SCN2A: variants seen among roughly 807,000 people sequenced by gnomAD.
SCN2A encodes the protein sodium voltage-gated channel alpha subunit 2.
SCN2A carries 20 observed loss-of-function variants against 188.7 expected under a neutral mutation model. The ratio of observed to expected loss-of-function variants is 0.11; its 90% CI spans 0.07 to 0.15. SCN2A has a LOEUF of 0.15. Ranked by LOEUF, SCN2A falls within the 10% of genes least tolerant of loss-of-function variation. The pLI is 1.00. For missense variants in SCN2A, 1,278 were observed against 2,445.0 expected (o/e 0.52, Z 10.07); for synonymous variants, 804 against 833.1 (o/e 0.97, Z 0.60).
At chr2:165,343,162 G>C (rs73023801) in intron 15 of SCN2A, among the ~76,000 whole-genome samples, 1,718 of 152,224 alleles carry the variant, frequency 0.011, 23 homozygotes, top group African/African-American at 0.039. Flanking sequence ...CTCTAAGTTA[G>C]TGATTTATTT....
chr2:165,381,031 A>C, intron 24 of SCN2A, 62 bp from the exon 25 acceptor site: 1 of 1,145,878 alleles, frequency 8.7e-7, no homozygotes, highest in Non-Finnish European at 1.3e-6. Flanking sequence ...CATGATTACT[A>C]AGGTGGATTT....
chr2:165,364,598 T>C (rs375463152), intron 17 of SCN2A, among the ~76,000 whole-genome samples: 2 of 152,198 alleles, frequency 1.3e-5, no homozygotes, highest in East Asian at 1.9e-4. Context: ...TGTGCTGCTC[T>C]TTTTGGAATT....
chr2:165,280,860 C>T (rs917957084), intron 1 of SCN2A, among the ~76,000 whole-genome samples: 1 of 152,156 alleles, frequency 6.6e-6, no homozygotes, highest in African/African-American at 2.4e-5. Context: ...GGGAACCTGA[C>T]CTAAGACATG....
At chr2:165,346,794 C>T (rs1005156669) in intron 16 of SCN2A, among the ~76,000 whole-genome samples, 2 of 152,200 alleles carry the variant, frequency 1.3e-5, no homozygotes, top group Admixed American at 6.5e-5. Context: ...TATGAACAGA[C>T]ACTTCTCAAA....
intron 1 of SCN2A, among the ~76,000 whole-genome samples, chr2:165,251,804 T>C (rs988012726): frequency 6.6e-6 from 1 of 152,134 alleles, no homozygotes; most frequent in African/African-American, 2.4e-5. Flanking sequence ...TGTTTTCTGC[T>C]AAGACTTTGA....
Position 165,374,879 on chromosome 2 carries a change from C to G in SCN2A, c.4167C>G (p.Leu1389=), listed in dbSNP as rs1229321752. 6.2e-7 allele frequency: 1 copy of G among 1,613,514 alleles called. No individual in the cohort carries two copies. The highest frequency in any genetic ancestry group is 8.5e-7 in the Non-Finnish European group (1 of 1,179,624). The part of the protein sequence containing the change: ...VVNNYSECKA[L]IESNQTARWK... ...ACAACTACAGTGAGTGCAAAGCTCT[C>G]ATTGAGAGCAATCAAACTGCCAGGT... Residue 1389 remains leucine (L), a synonymous_variant, in exon 22 of 27, where the codon CTC becomes CTG. Coordinates refer to ENST00000375437, the MANE Select transcript of SCN2A (RefSeq NM_001040142.2).
At chr2:165,383,639 G>A (rs1339339631) in intron 25 of SCN2A, among the ~76,000 whole-genome samples, 1 of 152,160 alleles carries the variant, frequency 6.6e-6, no homozygotes, top group African/African-American at 2.4e-5. Context: ...CTATTTCAGA[G>A]ATGGTAGGTA....
chr2:165,253,852 C>T (rs2106073112), intron 1 of SCN2A, among the ~76,000 whole-genome samples: 1 of 152,002 alleles, frequency 6.6e-6, no homozygotes, highest in African/African-American at 2.4e-5. Flanking sequence ...TTTCTAGGTA[C>T]ATAATTTTGT....
chr2:165,337,691 G>T (rs992097315), intron 14 of SCN2A, among the ~76,000 whole-genome samples: 1 of 151,956 alleles, frequency 6.6e-6, no homozygotes, highest in Non-Finnish European at 1.5e-5. Context: ...TTATTCTACA[G>T]AAAGTGAAAC....
At chr2:165,325,225 G>T (rs1355619471) in intron 12 of SCN2A, among the ~76,000 whole-genome samples, 5 of 152,192 alleles carry the variant, frequency 3.3e-5, no homozygotes, top group Non-Finnish European at 7.3e-5. Context: ...TAAATCTCCT[G>T]TCCTATCAGA....
At chr2:165,282,209 A>G (rs1200293403) in intron 1 of SCN2A, among the ~76,000 whole-genome samples, 1 of 152,042 alleles carries the variant, frequency 6.6e-6, no homozygotes, top group Non-Finnish European at 1.5e-5. Flanking sequence ...CTTCTCACCC[A>G]CCTCTAATCC....
chr2:165,293,498 G>A (rs192438711), intron 1 of SCN2A, among the ~76,000 whole-genome samples: 110 of 152,154 alleles, frequency 7.2e-4, no homozygotes, highest in Non-Finnish European at 1.3e-3. Context: ...GAATACTACA[G>A]GCAATTGTAA....
chr2:165,355,913 C>T (rs1228322233), intron 17 of SCN2A, among the ~76,000 whole-genome samples: 4 of 151,012 alleles, frequency 2.6e-5, no homozygotes, highest in Admixed American at 1.3e-4. Context: ...GCAAGAGAAT[C>T]GCTTGAACCC....
chr2:165,265,011 G>A (rs772557347), intron 1 of SCN2A, among the ~76,000 whole-genome samples: 3 of 151,968 alleles, frequency 2.0e-5, no homozygotes, highest in Non-Finnish European at 4.4e-5. Context: ...GGATCAAATG[G>A]CATTTCAGTC....
At chr2:165,370,384 A>G in intron 20 of SCN2A, 85 bp downstream of exon 20, 1 of 1,282,374 alleles carries the variant, frequency 7.8e-7, no homozygotes, top group South Asian at 1.2e-5. Flanking sequence ...GTAGGCACTC[A>G]GTAACACTGT....
At chr2:165,267,641 A>C (rs1694929323) in intron 1 of SCN2A, 1 of 151,988 alleles carries the variant, frequency 6.6e-6, no homozygotes, top group South Asian at 2.1e-4. Context: ...AATAATCAAC[A>C]GAATGAAAAG....
chr2:165,313,580 C>T, intron 8 of SCN2A, 40 bp from the exon 9 acceptor site: 1 of 1,611,230 alleles, frequency 6.2e-7, no homozygotes, highest in Non-Finnish European at 8.5e-7. Context: ...AGCAGACTTG[C>T]CGTTATTGAC....
At chr2:165,328,556 G>A (rs1044779371) in intron 13 of SCN2A, 1 of 961,676 alleles carries the variant, frequency 1.0e-6, no homozygotes, top group Non-Finnish European at 1.2e-6. Context: ...TAAATCAACA[G>A]TCATGCTTTG....
chr2:165,327,581 T>G, intron 13 of SCN2A: 1 of 154,410 alleles, frequency 6.5e-6, no homozygotes, highest in Non-Finnish European at 1.4e-5. Flanking sequence ...GGGGACAGCT[T>G]AATCTGTGAT....
Sources: allele counts gnomAD v4.1 joint callset (sites outside exome capture counted in the v4.1 genomes callset), GRCh38; gene constraint gnomAD v4.1.1; transcripts MANE v1.5; gene names NCBI Gene and HGNC (gene_info 2026-07-23, HGNC 2026-07-21).